The following DHX40 variants were observed in gnomAD, a reference collection of about 807,000 sequenced individuals.
The protein encoded by DHX40 is DEAH-box helicase 40, also known as probable ATP-dependent RNA helicase DHX40.
In DHX40, 28 loss-of-function variants were observed where a neutral mutation model predicts 89.6. The ratio of observed to expected loss-of-function variants is 0.31; its 90% CI spans 0.23 to 0.43. DHX40 has a LOEUF of 0.43. DHX40 is among the 20% of genes least tolerant of loss of function. The pLI is 1.00. For missense variants in DHX40, 457 were observed against 844.0 expected, an observed-to-expected ratio of 0.54 and a Z score of 5.68; for synonymous variants, 226 against 283.6, an observed-to-expected ratio of 0.80 and a Z score of 2.04.
chr17:59,578,056 G>A (rs1453807844), intron 8 of DHX40, among the ~76,000 whole-genome samples: 4 of 152,012 alleles, frequency 2.6e-5, no homozygotes, highest in Non-Finnish European at 5.9e-5. Flanking sequence ...TCAAATTTTT[G>A]GGTAAATTTA....
At chr17:59,598,039 G>GTA (rs1207453072) in intron 12 of DHX40, among the ~76,000 whole-genome samples, 1 of 150,172 alleles carries the variant, frequency 6.7e-6, no homozygotes. Flanking sequence ...GCTAATTTTT[G>GTA]TATATTTTGT....
intron 15 of DHX40, chr17:59,604,334 T>A (rs1019137254): frequency 6.6e-6 from 1 of 152,184 alleles, no homozygotes; most frequent in Non-Finnish European, 1.5e-5. Context: ...TTCACACTTT[T>A]AAAAATATGG....
intron 12 of DHX40, among the ~76,000 whole-genome samples, chr17:59,598,442 G>C (rs1280364016): frequency 1.3e-5 from 2 of 151,632 alleles, no homozygotes; most frequent in East Asian, 3.9e-4. Context: ...TGTAAGCATG[G>C]ATTACTCTTA....
chr17:59,569,250 C>T (rs1466764368), intron 2 of DHX40, among the ~76,000 whole-genome samples: 2 of 151,962 alleles, frequency 1.3e-5, no homozygotes, highest in Non-Finnish European at 2.9e-5. Flanking sequence ...ATTGCTTGAA[C>T]CCAGGAGGTA....
At chr17:59,572,986 G>A (rs1567862735) in intron 3 of DHX40, 130 bp from the exon 4 acceptor site, 3 of 960,614 alleles carry the variant, frequency 3.1e-6, no homozygotes, top group Non-Finnish European at 4.5e-6. Context: ...GTATACATAA[G>A]TTAGACTATT....
intron 12 of DHX40, among the ~76,000 whole-genome samples, chr17:59,588,820 T>C (rs1488410847): frequency 3.3e-5 from 5 of 152,216 alleles, no homozygotes; most frequent in Admixed American, 2.6e-4. Context: ...ATAGATTGTG[T>C]CTTTATTGTT....
In DHX40 at chr17:59,607,834, A is replaced by G. The variant is rs2030953122; in HGVS notation, c.*662A>G. ...CAAATTCCTTTTTATATAAAAGTAT[A>G]TTGTTTAAAACAGTAGCTATAGCCA... On this transcript the variant is annotated 3_prime_UTR_variant, in exon 18 of 18. Transcript: ENST00000251241. The G allele has an allele frequency of 6.6e-6, 1 of 151,996 alleles. No homozygotes were observed. Among genetic ancestry groups the G allele is most frequent in the African/African-American group, 2.4e-5 (1 of 41,286 alleles). 9.4% of individuals were successfully genotyped at this position (151,996 alleles called of 1,614,324 possible).
intron 2 of DHX40, 118 bp downstream of exon 2, chr17:59,566,912 T>A (rs2048713329): frequency 1.2e-6 from 1 of 840,924 alleles, no homozygotes; most frequent in Non-Finnish European, 1.7e-6. Context: ...CCGCTTCTCT[T>A]GGCACACCCC....
chr17:59,585,335 G>C (rs1306490597), intron 10 of DHX40, among the ~76,000 whole-genome samples: 1 of 139,548 alleles, frequency 7.2e-6, no homozygotes, highest in South Asian at 2.4e-4. Flanking sequence ...AGGAGACGGA[G>C]GTTGTAGTGA....
intron 17 of DHX40, chr17:59,605,884 G>A: frequency 1.6e-6 from 1 of 612,854 alleles, no homozygotes; most frequent in South Asian, 1.6e-5. Context: ...AGGATCGCTT[G>A]AACCCAGGAG....
intron 2 of DHX40, 67 bp from the exon 3 acceptor site, chr17:59,570,451 A>C: frequency 3.4e-6 from 5 of 1,478,364 alleles, no homozygotes; most frequent in Non-Finnish European, 4.5e-6. Context: ...TTGGCCAAAA[A>C]CAATTTAGCT....
Position 59,605,172 on chromosome 17 carries a change from T to G in DHX40, c.1959T>G (p.His653Gln), listed in dbSNP as rs1226209145. Residue 653 changes from histidine to glutamine, a missense_variant, in exon 16 of 18, where the codon CAT becomes CAG. Around this residue, in one of 9 missense-constraint regions of DHX40, gnomAD observed 120 missense variants for 161.7 expected, o/e 0.74. Transcript: ENST00000251241. ...GTCGTGGAAGCCCAGTTCACATTCA[T>G]CCTTCCTCAGCAGTAAGTACTTCAT... Reference protein sequence around the residue: ...MDGRGSPVHIHPSSALHEQET... With the variant: ...MDGRGSPVHIQPSSALHEQET... 1 of 1,614,116 alleles carries G rather than the reference T, an allele frequency of 6.2e-7. No homozygotes were observed. Among genetic ancestry groups the G allele is most frequent in the Admixed American group, 1.7e-5 (1 of 60,030 alleles).
chr17:59,577,279 G>T lies in DHX40; in HGVS notation c.987G>T (p.Arg329Ser), dbSNP rs1320553273. The change falls in exon 8 of 18, where the codon AGG (arginine) becomes AGT (serine). Residue 329 changes from arginine to serine, a missense_variant. Physicochemically the swap from Arg to Ser is moderately radical, Grantham distance 110. This residue lies in a region of DHX40 where 116 missense variants were observed against 188.9 expected (regional missense o/e 0.61). Transcript: ENST00000251241. ...YGSMTTDQQR[R>S]IFLPPPPGIR... ...TATATACTTCAGATCAACAGAGGAG[G>T]ATATTTTTGCCACCACCACCTGGAA... 6.2e-7 allele frequency: 1 copy of T among 1,613,406 alleles called. No individual in the cohort carries two copies. Among genetic ancestry groups the T allele is most frequent in the South Asian group, 1.1e-5 (1 of 91,064 alleles).
intron 6 of DHX40, among the ~76,000 whole-genome samples, chr17:59,574,797 G>T (rs1264945757): frequency 6.6e-6 from 1 of 151,766 alleles, no homozygotes; most frequent in Non-Finnish European, 1.5e-5. Flanking sequence ...CACATAAGGT[G>T]TAGAATCTAT....
chr17:59,605,151 T>A lies in DHX40; in HGVS notation c.1938T>A (p.Arg646=). ...GAACGTTTTGCACAATGGATGGTCG[T>A]GGAAGCCCAGTTCACATTCATCCTT... ...VGRTFCTMDG[R]GSPVHIHPSS... The change falls in exon 16 of 18, where the codon CGT becomes CGA. Residue 646 remains arginine, a synonymous_variant. Coordinates refer to ENST00000251241, the MANE Select transcript of DHX40 (RefSeq NM_024612.5). The A allele has an allele frequency of 6.2e-7, 1 of 1,614,128 alleles. No individual in the cohort carries two copies. Among genetic ancestry groups the A allele is most frequent in the South Asian group, 1.1e-5 (1 of 91,082 alleles).
At chr17:59,598,946 A>G (rs1378587725) in intron 13 of DHX40, 95 bp downstream of exon 13, 3 of 656,288 alleles carry the variant, frequency 4.6e-6, no homozygotes, top group Non-Finnish European at 8.4e-6. Context: ...ACGTTCAGTG[A>G]AGATGATATT....
intron 15 of DHX40, 171 bp from the exon 16 acceptor site, chr17:59,604,944 T>C (rs1010507349): frequency 4.9e-6 from 3 of 607,814 alleles, no homozygotes; most frequent in Admixed American, 2.8e-5. Context: ...TATAATTAAT[T>C]TAAGATGAAT....
At chr17:59,570,302 A>G (rs1209312500) in intron 2 of DHX40, among the ~76,000 whole-genome samples, 1 of 135,898 alleles carries the variant, frequency 7.4e-6, no homozygotes, top group Non-Finnish European at 1.5e-5. Context: ...TTTATATATT[A>G]TATATATAAT....
At chr17:59,572,874 T>G (rs2048830866) in intron 3 of DHX40, among the ~76,000 whole-genome samples, 1 of 152,246 alleles carries the variant, frequency 6.6e-6, no homozygotes, top group African/African-American at 2.4e-5. Context: ...TTTATTGTAT[T>G]TCCTTATTGG....
Sources: allele counts gnomAD v4.1 joint callset (sites outside exome capture counted in the v4.1 genomes callset), GRCh38; gene constraint gnomAD v4.1.1; regional missense constraint gnomAD v4.1.1; transcripts MANE v1.5; gene names NCBI Gene and HGNC (gene_info 2026-07-23, HGNC 2026-07-21).